Variants in PPP3CA observed in about 807,000 individuals in gnomAD.
PPP3CA encodes protein phosphatase 3 catalytic subunit alpha.
In PPP3CA, 14 loss-of-function variants were observed where a neutral mutation model predicts 66.5. That is an observed-to-expected ratio of 0.21 (90% CI 0.14 to 0.33). PPP3CA has a LOEUF of 0.33. PPP3CA is among the 10% of genes least tolerant of loss of function. The pLI is 1.00. For synonymous variants in PPP3CA, 232 were observed against 226.2 expected, an observed-to-expected ratio of 1.03 and a Z score of -0.23; for missense variants, 317 against 639.5, an observed-to-expected ratio of 0.50 and a Z score of 5.44.
chr4:101,066,905 A>G (rs761002233), intron 8 of PPP3CA, among the ~76,000 whole-genome samples: 1 of 152,192 alleles, frequency 6.6e-6, no homozygotes, highest in Non-Finnish European at 1.5e-5. Flanking sequence ...TTGTACTTCA[A>G]TAATCACTCA....
At chr4:101,219,847 A>C (rs573075480) in intron 1 of PPP3CA, among the ~76,000 whole-genome samples, 13 of 151,850 alleles carry the variant, frequency 8.6e-5, no homozygotes, top group Admixed American at 2.6e-4. Context: ...AAGATTTCTA[A>C]ATTTCCTTCA....
chr4:101,029,903 T>C (rs1250821578), intron 12 of PPP3CA, among the ~76,000 whole-genome samples: 1 of 151,700 alleles, frequency 6.6e-6, no homozygotes, highest in Non-Finnish European at 1.5e-5. Context: ...CCCAATTATG[T>C]TTTCTTTTCC....
At chr4:101,303,982 T>C (rs1050932687) in intron 1 of PPP3CA, among the ~76,000 whole-genome samples, 1 of 152,194 alleles carries the variant, frequency 6.6e-6, no homozygotes, top group African/African-American at 2.4e-5. Flanking sequence ...GTTCCATTAA[T>C]GTGCTGACGC....
intron 1 of PPP3CA, among the ~76,000 whole-genome samples, chr4:101,243,167 T>A (rs1230252554): frequency 6.6e-6 from 1 of 152,178 alleles, no homozygotes; most frequent in African/African-American, 2.4e-5. Context: ...GCTTTTTCAT[T>A]CTGCTCAGCT....
chr4:101,215,007 A>G (rs2110208374), intron 1 of PPP3CA, among the ~76,000 whole-genome samples: 1 of 152,214 alleles, frequency 6.6e-6, no homozygotes, highest in African/African-American at 2.4e-5. Context: ...AAACATTTTC[A>G]TCCTTAAGGT....
At chr4:101,290,290 A>G (rs1048440708) in intron 1 of PPP3CA, among the ~76,000 whole-genome samples, 3 of 152,224 alleles carry the variant, frequency 2.0e-5, no homozygotes, top group Admixed American at 2.0e-4. Context: ...TATCTGGTGC[A>G]GTCCCAGGAA....
chr4:101,247,171 CTTTTTTT>C (rs879859426), intron 1 of PPP3CA, among the ~76,000 whole-genome samples: 3 of 144,108 alleles, frequency 2.1e-5, no homozygotes, highest in Non-Finnish European at 3.1e-5. Flanking sequence ...TTCGTTTTTT[CTTTTTTT>C]TTTTAGATGG....
At chr4:101,336,345 T>G (rs900819736) in intron 1 of PPP3CA, among the ~76,000 whole-genome samples, 5 of 151,886 alleles carry the variant, frequency 3.3e-5, no homozygotes, top group Admixed American at 6.6e-5. Context: ...CCAAGGCAGG[T>G]GGATCACTTG....
At chr4:101,187,908 G>A (rs1441952958) in intron 2 of PPP3CA, among the ~76,000 whole-genome samples, 5 of 152,056 alleles carry the variant, frequency 3.3e-5, no homozygotes, top group Non-Finnish European at 7.4e-5. Flanking sequence ...TCGAGAAAAC[G>A]GAAAGGGAAA....
chr4:101,323,790 C>T (rs965217049), intron 1 of PPP3CA, among the ~76,000 whole-genome samples: 2 of 152,106 alleles, frequency 1.3e-5, no homozygotes, highest in African/African-American at 4.8e-5. Context: ...CTATAGGTAG[C>T]TGCTATTACC....
intron 2 of PPP3CA, among the ~76,000 whole-genome samples, chr4:101,121,536 T>C (rs1722030972): frequency 6.6e-6 from 1 of 152,128 alleles, no homozygotes; most frequent in Non-Finnish European, 1.5e-5. Flanking sequence ...TTATATTGTA[T>C]ATAAAGTTAA....
At chr4:101,340,056 A>G (rs1729763716) in intron 1 of PPP3CA, among the ~76,000 whole-genome samples, 1 of 152,224 alleles carries the variant, frequency 6.6e-6, no homozygotes, top group Admixed American at 6.5e-5. Flanking sequence ...CTCTTTGAAC[A>G]TCAACCATCA....
chr4:101,279,573 G>A (rs530636868), intron 1 of PPP3CA, among the ~76,000 whole-genome samples: 3 of 152,272 alleles, frequency 2.0e-5, no homozygotes, highest in African/African-American at 4.8e-5. Flanking sequence ...ATATAACTGC[G>A]TATTTTGTAT....
chr4:101,269,076 T>C (rs1207818790), intron 1 of PPP3CA, among the ~76,000 whole-genome samples: 1 of 152,158 alleles, frequency 6.6e-6, no homozygotes, highest in Non-Finnish European at 1.5e-5. Context: ...TTTAGCAATG[T>C]TGTTCCCTGT....
At chr4:101,123,262 A>G (rs1278041192) in intron 2 of PPP3CA, among the ~76,000 whole-genome samples, 1 of 152,166 alleles carries the variant, frequency 6.6e-6, no homozygotes, top group East Asian at 1.9e-4. Flanking sequence ...ATCCTCAATA[A>G]ATATTTGCTG....
At chr4:101,065,983 T>C (rs1728663616) in intron 8 of PPP3CA, among the ~76,000 whole-genome samples, 1 of 152,156 alleles carries the variant, frequency 6.6e-6, no homozygotes, top group Admixed American at 6.6e-5. Flanking sequence ...GTATCTGATA[T>C]ATGCCAGGCA....
intron 1 of PPP3CA, among the ~76,000 whole-genome samples, chr4:101,346,114 C>T (rs958441054): frequency 1.1e-4 from 16 of 151,920 alleles, no homozygotes; most frequent in Non-Finnish European, 2.2e-4. Context: ...GCCCCCGCCC[C>T]GCGCGGAAGG....
intron 1 of PPP3CA, among the ~76,000 whole-genome samples, chr4:101,229,859 G>A (rs1380238078): frequency 2.0e-5 from 3 of 151,348 alleles, no homozygotes; most frequent in Non-Finnish European, 4.4e-5. Flanking sequence ...AAGGCAAATA[G>A]GGCAAAAAGA....
rs1165821759 is a variant in PPP3CA at position 101,280,778 on chromosome 4, T to TCATTGCACTC, written c.58+65951_58+65960dup. 2.8e-5 allele frequency among the ~76,000 whole-genome samples: 4 copies of TCATTGCACTC among 143,218 alleles called. No homozygotes were observed. The East Asian group carries it at 6.2e-4, about 22-fold the overall frequency. The allele number at this position is 143,218 out of a possible 152,430, so 94.0% of individuals were successfully genotyped here. On this transcript the variant is annotated intron_variant, in intron 1 of 13. Coordinates refer to ENST00000394854, the MANE Select transcript of PPP3CA (RefSeq NM_000944.5). ...GAGGCTGCAGTGAGCTGAGATCACC[T>TCATTGCACTC]CATTGCACTCCAGCCTGGGTGACAG...
Sources: allele counts gnomAD v4.1 joint callset (sites outside exome capture counted in the v4.1 genomes callset), GRCh38; gene constraint gnomAD v4.1.1; transcripts MANE v1.5; gene names NCBI Gene and HGNC (gene_info 2026-07-23, HGNC 2026-07-21).